RANBP3L: variants seen among roughly 807,000 people sequenced by gnomAD.
The protein encoded by RANBP3L is RAN binding protein 3 like.
RANBP3L carries 56 observed loss-of-function variants against 67.2 expected under a neutral mutation model. That is an observed-to-expected ratio of 0.83 (90% CI 0.67 to 1.04). The LOEUF is 1.04. Ranked by LOEUF, RANBP3L falls within the 50% of genes least tolerant of loss-of-function variation. The pLI, the probability that RANBP3L is intolerant of heterozygous loss-of-function variation, is 0.00. For synonymous variants in RANBP3L, 164 were observed against 181.4 expected (o/e 0.90, Z 0.77); for missense variants, 496 against 535.5 (o/e 0.93, Z 0.73).
At chr5:36,286,816 C>T (rs923226911) in intron 1 of RANBP3L, among the ~76,000 whole-genome samples, 1 of 152,184 alleles carries the variant, frequency 6.6e-6, no homozygotes, top group African/African-American at 2.4e-5. Flanking sequence ...TGCTCTTCCC[C>T]TAGATGTGGC....
intron 12 of RANBP3L, among the ~76,000 whole-genome samples, chr5:36,252,308 A>ATAATAGAATAGAATTATT (rs1748650605): frequency 1.3e-5 from 2 of 152,084 alleles, no homozygotes. Context: ...ATTATGGTCC[A>ATAATAGAATAGAATTATT]TAATAGAATA....
intron 1 of RANBP3L, among the ~76,000 whole-genome samples, chr5:36,280,730 T>C (rs575672009): frequency 1.1e-4 from 16 of 152,288 alleles, no homozygotes; most frequent in African/African-American, 3.6e-4. Context: ...ACTTTCTTTG[T>C]TTTTTAATAG....
At chr5:36,283,326 G>A (rs1396461312) in intron 1 of RANBP3L, among the ~76,000 whole-genome samples, 4 of 151,406 alleles carry the variant, frequency 2.6e-5, no homozygotes, top group Admixed American at 6.6e-5. Context: ...CCAAAGTGCC[G>A]GGATTACAGG....
chr5:36,299,950 A>C (rs1752503026), intron 1 of RANBP3L, among the ~76,000 whole-genome samples: 1 of 152,224 alleles, frequency 6.6e-6, no homozygotes, highest in South Asian at 2.1e-4. Context: ...AGTGCATAGA[A>C]GAAAAGTCTA....
chr5:36,257,468 T>G lies in RANBP3L; in HGVS notation c.758A>C (p.Asn253Thr), dbSNP rs1162994917. 6.4e-7 allele frequency: 1 copy of G among 1,554,352 alleles called. No individual in the cohort carries two copies. Among genetic ancestry groups the G allele is most frequent in the Non-Finnish European group, 8.8e-7 (1 of 1,132,540 alleles). ...AGAATTCTTACTTGAACTTAAAAAG[T>G]TGACAGGAAATTTCGGAATGGATTT... ...PFKSIPKFPVNFLSSRTDSIK... is the reference protein window; with the variant it reads ...PFKSIPKFPVTFLSSRTDSIK... The change falls in exon 9 of 14, where the codon AAC becomes ACC. Residue 253 changes from asparagine to threonine, a missense_variant. Asn to Thr is a moderately conservative substitution (Grantham distance 65). Transcript: ENST00000296604.
intron 1 of RANBP3L, among the ~76,000 whole-genome samples, chr5:36,283,026 G>A (rs184304057): frequency 2.0e-5 from 3 of 152,210 alleles, no homozygotes; most frequent in Admixed American, 6.5e-5. Context: ...GCAGAGAAAA[G>A]TTTTTACTTT....
chr5:36,300,757 G>A (rs980803814), intron 1 of RANBP3L, among the ~76,000 whole-genome samples: 4 of 152,172 alleles, frequency 2.6e-5, no homozygotes, highest in African/African-American at 4.8e-5. Context: ...TAAAAAGACT[G>A]ATGGTGAAAA....
At chr5:36,295,673 GTTTTTTT>G (rs11318481) in intron 1 of RANBP3L, among the ~76,000 whole-genome samples, 2 of 120,556 alleles carry the variant, frequency 1.7e-5, no homozygotes, top group Admixed American at 8.4e-5. Flanking sequence ...GTTATATCCT[GTTTTTTT>G]TTTTTTTTTT....
intron 7 of RANBP3L, among the ~76,000 whole-genome samples, chr5:36,261,105 C>T (rs958352955): frequency 4.6e-5 from 7 of 152,198 alleles, no homozygotes; most frequent in African/African-American, 1.2e-4. Context: ...TCATGCCCAT[C>T]ACTGCACTGG....
intron 1 of RANBP3L, among the ~76,000 whole-genome samples, chr5:36,290,545 A>G (rs1019484397): frequency 1.3e-5 from 2 of 151,924 alleles, no homozygotes; most frequent in Admixed American, 1.3e-4. Context: ...TAATCTAGGT[A>G]GGGGTTTATT....
chr5:36,291,159 G>A (rs1188750440), intron 1 of RANBP3L, among the ~76,000 whole-genome samples: 3 of 151,618 alleles, frequency 2.0e-5, no homozygotes, highest in African/African-American at 7.3e-5. Context: ...CCAATCTCCA[G>A]AACTCTTTTC....
At position 36,274,887 on chromosome 5, in the gene RANBP3L, C is replaced by CT. The variant is rs915667374; in HGVS notation, c.92-3577dup. Among the ~76,000 whole-genome samples, 41 of 150,572 alleles carry CT rather than the reference C, an allele frequency of 2.7e-4. 1 individual carries two copies. The highest frequency in any genetic ancestry group is 7.8e-4 in the African/African-American group (32 of 41,016). ...TTTGTTTAAAATCATGCATCCATGA[C>CT]TTTTTTTTTAGAGAAATTGAATAAT... On this transcript the variant is annotated intron_variant, in intron 1 of 13. Coordinates refer to ENST00000296604, the MANE Select transcript of RANBP3L (RefSeq NM_145000.5).
At chr5:36,288,317 C>A (rs575642275) in intron 1 of RANBP3L, among the ~76,000 whole-genome samples, 1 of 152,246 alleles carries the variant, frequency 6.6e-6, no homozygotes, top group South Asian at 2.1e-4. Context: ...TAATTCATTT[C>A]TTTTTACTAC....
chr5:36,293,735 A>C (rs1030270601), intron 1 of RANBP3L, among the ~76,000 whole-genome samples: 1 of 149,242 alleles, frequency 6.7e-6, no homozygotes, highest in Non-Finnish European at 1.5e-5. Flanking sequence ...CCAGCCTTGC[A>C]TCCCAGGGAT....
chr5:36,301,473 A>G lies in RANBP3L; in HGVS notation c.-57T>C. The G allele has an allele frequency of 7.5e-7, 1 of 1,341,132 alleles. No individual in the cohort carries two copies. The highest frequency in any genetic ancestry group is 1.1e-6 in the Non-Finnish European group (1 of 939,062). 83.1% of individuals were successfully genotyped at this position (1,341,132 alleles called of 1,614,324 possible). A position where few individuals can be genotyped will look rare whatever the true frequency, so the allele number is the denominator to read the frequency against. ...CACTAGGGCACCTCCTTCTCTGGCC[A>G]GTCACCTAAAGTGGCCTTCACCAGA... On this transcript the variant is annotated 5_prime_UTR_variant, in exon 1 of 14. Coordinates refer to ENST00000296604, the MANE Select transcript of RANBP3L (RefSeq NM_145000.5).
intron 1 of RANBP3L, among the ~76,000 whole-genome samples, chr5:36,294,967 T>C (rs1194847235): frequency 2.0e-5 from 3 of 149,488 alleles, no homozygotes; most frequent in African/African-American, 7.3e-5. Flanking sequence ...TATATGTATG[T>C]ATACATATAT....
intron 1 of RANBP3L, among the ~76,000 whole-genome samples, chr5:36,290,382 AATTT>A (rs1009813503): frequency 9.2e-5 from 14 of 151,800 alleles, no homozygotes; most frequent in African/African-American, 3.4e-4. Context: ...ACACCTGGCT[AATTT>A]TTGTATTTTT....
At position 36,260,777 on chromosome 5, in the gene RANBP3L, T is replaced by TA; in HGVS notation, c.669+2dup. 6.9e-7 allele frequency: 1 copy of TA among 1,443,414 alleles called. No individual in the cohort carries two copies. The highest frequency in any genetic ancestry group is 2.3e-5 in the East Asian group (1 of 43,802). 89.4% of individuals were successfully genotyped at this position (1,443,414 alleles called of 1,614,324 possible). On this transcript the variant is annotated splice_region_variant and intron_variant, in intron 8 of 13. Coordinates refer to ENST00000296604, the MANE Select transcript of RANBP3L (RefSeq NM_145000.5). The stretch of plus-strand genomic sequence containing the variant: ...GTAATAGAAACATATACCAAAATCT[T>TA]ACCAAAACTCTTTCTACCATGTTTT...
chr5:36,281,707 G>A (rs1750987432), intron 1 of RANBP3L, among the ~76,000 whole-genome samples: 1 of 152,056 alleles, frequency 6.6e-6, no homozygotes, highest in South Asian at 2.1e-4. Context: ...GCCATTATTT[G>A]TACACATTCT....
Sources: gnomAD v4.1 joint callset for allele counts (sites outside exome capture counted in the v4.1 genomes callset) on GRCh38, gnomAD v4.1.1 for gene constraint, MANE v1.5 for transcripts, NCBI Gene and HGNC (gene_info 2026-07-23, HGNC 2026-07-21) for gene names.